The following C4orf50 variants were observed in gnomAD, a reference collection of about 807,000 sequenced individuals.
C4orf50 encodes uncharacterized protein C4orf50.
In C4orf50, 80 loss-of-function variants were observed where a neutral mutation model predicts 77.2. The observed-to-expected ratio is 1.04, with a 90% CI of 0.87 to 1.25. The LOEUF (loss-of-function observed/expected upper bound fraction) is 1.25. C4orf50 is among the 50% of genes most tolerant of loss of function. The probability of loss-of-function intolerance (pLI) is 0.00; values close to 1 mark genes in which losing one functional copy is unlikely to be tolerated. For synonymous variants in C4orf50, 532 were observed against 465.3 expected, an observed-to-expected ratio of 1.14 and a Z score of -1.84; for missense variants, 1,257 against 1,152.9, an observed-to-expected ratio of 1.09 and a Z score of -1.31.
At chr4:5,990,161 G>T in exon 28 of C4orf50, 1 of 1,252,238 alleles carries the variant, frequency 8.0e-7, no homozygotes, top group Non-Finnish European at 1.0e-6. Context: ...GCCTCCCCCT[G>T]TAGAAGAGGC....
At position 5,975,687 on chromosome 4, in the gene C4orf50, C is replaced by T. The variant is rs1309306001; in HGVS notation, c.3921+212G>A. On this transcript the variant is annotated intron_variant, in intron 30 of 33. Coordinates refer to ENST00000531445, the Ensembl canonical transcript of C4orf50. The stretch of plus-strand genomic sequence containing the variant: ...GCCATCACGCCTGTATGGGATTTGG[C>T]CATGTTGCCCAGGCCGGTCTCAAAC... Among the ~76,000 whole-genome samples the T allele has an allele frequency of 3.3e-5, 5 of 152,078 alleles. No individual in the cohort carries two copies. The East Asian group carries it at 5.8e-4, about 18-fold the overall frequency.
exon 28 of C4orf50, chr4:5,990,190 G>A (rs1721183254): frequency 3.2e-6 from 4 of 1,245,784 alleles, no homozygotes; most frequent in Non-Finnish European, 4.0e-6. Context: ...CTCCTGCCAG[G>A]ACCCAGGGCG....
In C4orf50 at chr4:5,979,497, G is replaced by A. The variant is rs552772436; in HGVS notation, c.3864+677C>T. Among the ~76,000 whole-genome samples, 3 of 152,362 alleles carry A rather than the reference G, an allele frequency of 2.0e-5. No individual in the cohort carries two copies. The South Asian group carries it at 6.2e-4, about 32-fold the overall frequency. On this transcript the variant is annotated intron_variant, in intron 29 of 33. Transcript: ENST00000531445. ...ACACATACACACACATTCAGAAAGT[G>A]GGTGGTAGAGTTGAAAAAATATTGG...
At chr4:5,915,007 AG>A (rs1351751466) in intron 7 of C4orf50, among the ~76,000 whole-genome samples, 2 of 152,224 alleles carry the variant, frequency 1.3e-5, no homozygotes, top group Non-Finnish European at 2.9e-5. Context: ...TAGCTCAGAA[AG>A]TAATTACTCT....
intron 7 of C4orf50, among the ~76,000 whole-genome samples, chr4:5,948,403 G>A (rs541870489): frequency 3.3e-5 from 5 of 152,066 alleles, no homozygotes; most frequent in African/African-American, 7.2e-5. Flanking sequence ...GGTGGCTTAC[G>A]CCTGTAATAT....
intron 25 of C4orf50, among the ~76,000 whole-genome samples, chr4:6,001,089 T>C (rs77388395): frequency 0.029 from 4,454 of 152,304 alleles, 100 homozygotes; most frequent in Middle Eastern, 0.058. Flanking sequence ...TCTCCTAACC[T>C]GGTTTTTCAA....
At chr4:5,995,283 A>C (rs528421485) in intron 25 of C4orf50, among the ~76,000 whole-genome samples, 201 of 152,188 alleles carry the variant, frequency 1.3e-3, no homozygotes, top group African/African-American at 4.6e-3. Context: ...GTGTCTGCCC[A>C]GGGGGTTTGG....
At chr4:5,988,449 A>G (rs756033714) in exon 28 of C4orf50, 7 of 1,591,816 alleles carry the variant, frequency 4.4e-6, no homozygotes, top group Non-Finnish European at 5.1e-6. Flanking sequence ...CTTCTGCTCC[A>G]CTGACATTTC....
chr4:5,989,329 G>C, exon 28 of C4orf50: 2 of 1,536,024 alleles, frequency 1.3e-6, no homozygotes, highest in South Asian at 1.2e-5. Flanking sequence ...TGGAGGGTTT[G>C]GGCTGGCTTC....
chr4:5,926,040 C>A (rs1191343541), intron 7 of C4orf50, among the ~76,000 whole-genome samples: 2 of 152,202 alleles, frequency 1.3e-5, no homozygotes, highest in East Asian at 1.9e-4. Context: ...CAGATCCATG[C>A]GGACGACACG....
In C4orf50 at chr4:5,992,526, C is replaced by T. The variant is rs778453507; in HGVS notation, c.1221+277G>A. ...CAGAGCAGAGGTGGCAGCAACACCT[C>T]GTGGGTGTCAGGAGGTGTCAACGAG... On this transcript the variant is annotated intron_variant, in intron 27 of 33. Transcript: ENST00000531445. The surrounding 1 kb of genome is among the most constrained non-coding windows in gnomAD (Gnocchi z 5.0). Among the ~76,000 whole-genome samples, 13 of 152,086 alleles carry T rather than the reference C, an allele frequency of 8.5e-5. No individual in the cohort carries two copies. The highest frequency in any genetic ancestry group is 2.9e-4 in the African/African-American group (12 of 41,428).
chr4:5,920,001 G>A (rs1455267392), intron 7 of C4orf50, among the ~76,000 whole-genome samples: 1 of 152,176 alleles, frequency 6.6e-6, no homozygotes, highest in Non-Finnish European at 1.5e-5. Flanking sequence ...ACTACTTATA[G>A]AGCATTTACA....
chr4:5,979,411 CTTAA>C (rs925613734), intron 29 of C4orf50, among the ~76,000 whole-genome samples: 24 of 152,098 alleles, frequency 1.6e-4, no homozygotes, highest in African/African-American at 5.3e-4. Flanking sequence ...CCACAAGATT[CTTAA>C]TTAAATGACA....
At chr4:5,945,775 G>A (rs1161481749) in intron 7 of C4orf50, among the ~76,000 whole-genome samples, 1 of 152,186 alleles carries the variant, frequency 6.6e-6, no homozygotes, top group African/African-American at 2.4e-5. Flanking sequence ...GCTGGGCCCT[G>A]GGCTGGGCTG....
intron 31 of C4orf50, among the ~76,000 whole-genome samples, chr4:5,968,197 G>C (rs1244748134): frequency 1.3e-5 from 2 of 152,172 alleles, no homozygotes; most frequent in African/African-American, 4.8e-5. Flanking sequence ...CTCTCTCTCT[G>C]TCTCTGGTGA....
exon 34 of C4orf50, chr4:5,959,500 C>T (rs1016893316): frequency 8.2e-5 from 132 of 1,614,036 alleles, no homozygotes; most frequent in Middle Eastern, 1.6e-4. Flanking sequence ...GGGACGTTAT[C>T]GACTTGGAGG....
chr4:5,913,632 G>A (rs752999360), intron 7 of C4orf50, among the ~76,000 whole-genome samples: 12 of 152,222 alleles, frequency 7.9e-5, no homozygotes, highest in African/African-American at 2.6e-4. Flanking sequence ...TGATGGATTC[G>A]TTCAGGAGTC....
At chr4:5,974,507 G>A (rs1363618625) in intron 30 of C4orf50, among the ~76,000 whole-genome samples, 1 of 152,172 alleles carries the variant, frequency 6.6e-6, no homozygotes, top group Non-Finnish European at 1.5e-5. Flanking sequence ...TTTAGGAACT[G>A]TCTGGCTCAT....
At chr4:5,944,804 G>A (rs1718413154) in intron 7 of C4orf50, among the ~76,000 whole-genome samples, 1 of 152,202 alleles carries the variant, frequency 6.6e-6, no homozygotes, top group African/African-American at 2.4e-5. Context: ...TGGCAGTTCA[G>A]AGGCCTGGGG....
Sources: gnomAD v4.1 joint callset for allele counts (sites outside exome capture counted in the v4.1 genomes callset) on GRCh38, gnomAD v4.1.1 for gene constraint, Gnocchi (gnomAD v3.1) non-coding constraint, MANE v1.5 for transcripts, NCBI Gene and HGNC (gene_info 2026-07-23, HGNC 2026-07-21) for gene names.